Variants in JAML observed in about 807,000 individuals in gnomAD.
JAML encodes the protein junction adhesion molecule like, also known as junctional adhesion molecule-like.
Under a neutral mutation model 39.3 loss-of-function variants are expected in JAML, and 25 were observed. That is an observed-to-expected ratio of 0.64 (90% CI 0.46 to 0.89). The LOEUF is 0.89. Among genes scored for constraint, JAML ranks in the 40% least tolerant of loss-of-function variants. The pLI is 0.00. For missense variants in JAML, 440 were observed against 486.9 expected, an observed-to-expected ratio of 0.90 and a Z score of 0.91; for synonymous variants, 162 against 179.2, an observed-to-expected ratio of 0.90 and a Z score of 0.77.
At chr11:118,215,257 A>G (rs1385184197) in intron 1 of JAML, among the ~76,000 whole-genome samples, 1 of 152,230 alleles carries the variant, frequency 6.6e-6, no homozygotes, top group South Asian at 2.1e-4. Context: ...CCTTGAGATG[A>G]CAACCCTAGA....
chr11:118,209,088 G>C (rs1331770101), intron 4 of JAML: 1 of 268,684 alleles, frequency 3.7e-6, no homozygotes, highest in Non-Finnish European at 7.5e-6. Context: ...CTTTCCTTTA[G>C]AGCCCAATAC....
intron 4 of JAML, among the ~76,000 whole-genome samples, chr11:118,207,546 T>C (rs1948943503): frequency 6.6e-6 from 1 of 152,112 alleles, no homozygotes; most frequent in Admixed American, 6.6e-5. Context: ...GTATTTAAAT[T>C]AAGAACTATG....
intron 3 of JAML, 68 bp downstream of exon 3, chr11:118,212,339 T>TA (rs1021179028): frequency 5.1e-6 from 8 of 1,565,946 alleles, no homozygotes; most frequent in Non-Finnish European, 6.9e-6. Context: ...GCCTGACTCT[T>TA]ACACCACTCT....
At chr11:118,217,231 T>C (rs1949156572) in intron 1 of JAML, among the ~76,000 whole-genome samples, 1 of 152,216 alleles carries the variant, frequency 6.6e-6, no homozygotes, top group African/African-American at 2.4e-5. Context: ...TGCTCATAGC[T>C]GACAATGTGA....
chr11:118,223,882 CA>C (rs929348855), intron 1 of JAML: 1 of 152,108 alleles, frequency 6.6e-6, no homozygotes, highest in African/African-American at 2.4e-5. Flanking sequence ...AGTTACCCCC[CA>C]AATTACAATA....
In JAML at chr11:118,203,655, A is replaced by G; in HGVS notation, c.545T>C (p.Val182Ala). The G allele has an allele frequency of 6.2e-7, 1 of 1,611,348 alleles. No individual in the cohort carries two copies. The highest frequency in any genetic ancestry group is 8.5e-7 in the Non-Finnish European group (1 of 1,177,532). The change falls in exon 6 of 10, where the codon GTA becomes GCA. Residue 182 changes from valine (V) to alanine (A), a missense_variant. By Grantham distance (64) the Val-to-Ala change is moderately conservative. Transcript: ENST00000356289. ...CCTGAGTTTGTGGTAGTAACGAAATACAATCTCCTCCTAGAAGTGAAAGAC... is the reference window on the plus strand; with the variant it reads ...CCTGAGTTTGTGGTAGTAACGAAATGCAATCTCCTCCTAGAAGTGAAAGAC... ...FSGRRAKEEI[V>A]FRYYHKLRMS...
intron 1 of JAML, among the ~76,000 whole-genome samples, chr11:118,216,253 C>T (rs1442122891): frequency 1.3e-5 from 2 of 152,012 alleles, no homozygotes; most frequent in African/African-American, 4.8e-5. Context: ...CGCCTGTAAT[C>T]CCAGCTACGG....
intron 4 of JAML, among the ~76,000 whole-genome samples, chr11:118,207,457 G>T (rs761379266): frequency 6.6e-6 from 1 of 152,176 alleles, no homozygotes; most frequent in Non-Finnish European, 1.5e-5. Flanking sequence ...CTCTACTGTG[G>T]CACCCCACAT....
chr11:118,197,949 G>C (rs1488184422), intron 8 of JAML, 49 bp downstream of exon 8: 11 of 1,543,650 alleles, frequency 7.1e-6, no homozygotes, highest in Non-Finnish European at 9.9e-6. Context: ...GTATGAGAAC[G>C]GCCCAGGCCT....
chr11:118,220,235 CTCTCCTCATACCTGAACCGATTA>C (rs1949195868), intron 1 of JAML, among the ~76,000 whole-genome samples: 3 of 152,202 alleles, frequency 2.0e-5, no homozygotes, highest in Non-Finnish European at 1.5e-5. Flanking sequence ...TTCACCTCCC[CTCTCCTCATACCTGAACCGATTA>C]TCCGGTGCAA....
chr11:118,218,891 T>C (rs1949177298), intron 1 of JAML, among the ~76,000 whole-genome samples: 1 of 152,232 alleles, frequency 6.6e-6, no homozygotes, highest in Non-Finnish European at 1.5e-5. Context: ...TCTACACTGC[T>C]TCCTTCTCTT....
chr11:118,203,105 T>C (rs1948843301), intron 6 of JAML: 2 of 513,216 alleles, frequency 3.9e-6, no homozygotes, highest in Admixed American at 4.5e-5. Context: ...TCAACTCCGA[T>C]CCTTCCCTGA....
At chr11:118,212,728 T>C in intron 2 of JAML, 167 bp from the exon 3 acceptor site, 2 of 1,517,758 alleles carry the variant, frequency 1.3e-6, no homozygotes, top group Non-Finnish European at 8.8e-7. Context: ...GTCCTCTAGT[T>C]ACCTATATGG....
intron 1 of JAML, among the ~76,000 whole-genome samples, chr11:118,224,562 A>T (rs946314823): frequency 6.6e-6 from 1 of 152,250 alleles, no homozygotes; most frequent in East Asian, 1.9e-4. Flanking sequence ...AAATAAAATT[A>T]AAAACTGTCT....
chr11:118,203,314 G>A (rs1948849244), intron 6 of JAML, 114 bp downstream of exon 6: 3 of 944,838 alleles, frequency 3.2e-6, no homozygotes, highest in Middle Eastern at 3.1e-4. Flanking sequence ...CAGCACCTGA[G>A]AGGGATGCCT....
intron 5 of JAML, 39 bp from the exon 6 acceptor site, chr11:118,203,704 T>C (rs371799382): frequency 4.5e-6 from 7 of 1,548,942 alleles, no homozygotes; most frequent in Non-Finnish European, 6.2e-6. Flanking sequence ...TTGTGAGGAC[T>C]GGAGTGGAGC....
intron 5 of JAML, chr11:118,204,309 T>C (rs1948872999): frequency 6.5e-6 from 1 of 154,628 alleles, no homozygotes; most frequent in African/African-American, 2.4e-5. Context: ...GCTTATTCTC[T>C]ATGACAATCT....
At position 118,196,831 on chromosome 11, in the gene JAML, G is replaced by A; in HGVS notation, c.1006-10C>T. The A allele has an allele frequency of 6.3e-7, 1 of 1,594,730 alleles. No individual in the cohort carries two copies. Among genetic ancestry groups the A allele is most frequent in the African/African-American group, 1.3e-5 (1 of 74,570 alleles). ...GGGAGTAAATGTGTTTCTAGAGGGG[G>A]AAAATGGTACAAAAATTCCTAAAAA... On this transcript the variant is annotated splice_polypyrimidine_tract_variant and intron_variant, in intron 8 of 9. Transcript: ENST00000356289.
chr11:118,207,828 G>A (rs1484850394), intron 4 of JAML, among the ~76,000 whole-genome samples: 1 of 152,146 alleles, frequency 6.6e-6, no homozygotes, highest in Non-Finnish European at 1.5e-5. Flanking sequence ...CTGTTTCCAT[G>A]GATTCCTCAG....
Sources: allele counts gnomAD v4.1 joint callset (sites outside exome capture counted in the v4.1 genomes callset), GRCh38; gene constraint gnomAD v4.1.1; transcripts MANE v1.5; gene names NCBI Gene and HGNC (gene_info 2026-07-23, HGNC 2026-07-21).